The following ZNF469 variants were observed in gnomAD, a reference collection of about 807,000 sequenced individuals.
The protein encoded by ZNF469 is zinc finger protein 469.
A neutral mutation model predicts 1.0 loss-of-function variants in ZNF469; 1 was observed. That is an observed-to-expected ratio of 1.00 (90% confidence interval 0.35 to 4.73). The LOEUF is 4.73. Ranked by LOEUF, ZNF469 falls within the 30% of genes most tolerant of loss-of-function variation. The probability of loss-of-function intolerance (pLI) is 0.16; values close to 1 mark genes in which losing one functional copy is unlikely to be tolerated. For missense variants in ZNF469, 6,100 were observed against 5,356.3 expected, an observed-to-expected ratio of 1.14 and a Z score of -4.33; for synonymous variants, 2,703 against 2,363.4, an observed-to-expected ratio of 1.14 and a Z score of -4.17.
At chr16:88,235,204 G>T in the ZNF469 span, among the ~76,000 whole-genome samples, 1 of 152,200 alleles carries the variant, frequency 6.6e-6, no homozygotes, top group Non-Finnish European at 1.5e-5. Flanking sequence ...GACTGGCAGT[G>T]TCGAAGCCAC....
the ZNF469 span, among the ~76,000 whole-genome samples, chr16:88,183,442 A>G: frequency 6.6e-6 from 1 of 152,190 alleles, no homozygotes; most frequent in African/African-American, 2.4e-5. Flanking sequence ...CCCACAACCT[A>G]CAGCTCAGCA....
chr16:88,353,218 A>G, the ZNF469 span, among the ~76,000 whole-genome samples: 43 of 152,274 alleles, frequency 2.8e-4, 1 homozygote, highest in East Asian at 8.3e-3. Context: ...TCCCAGGTCC[A>G]GCCCTCTCAC....
chr16:88,423,228 TG>T (rs1905562054), intron 1 of ZNF469, among the ~76,000 whole-genome samples: 1 of 146,694 alleles, frequency 6.8e-6, no homozygotes, highest in African/African-American at 2.5e-5. Context: ...GATGGATAGG[TG>T]GGTGGATGGA....
At chr16:88,225,023 A>G in the ZNF469 span, among the ~76,000 whole-genome samples, 1 of 152,180 alleles carries the variant, frequency 6.6e-6, no homozygotes, top group Non-Finnish European at 1.5e-5. Flanking sequence ...GCAGGATGTG[A>G]GCGTGGGCTG....
At chr16:88,321,705 T>C in the ZNF469 span, among the ~76,000 whole-genome samples, 2 of 151,978 alleles carry the variant, frequency 1.3e-5, no homozygotes, top group Non-Finnish European at 2.9e-5. Flanking sequence ...AGATTCTGCA[T>C]GTAAGACCTC....
At chr16:88,112,586 G>T in the ZNF469 span, among the ~76,000 whole-genome samples, 1 of 152,138 alleles carries the variant, frequency 6.6e-6, no homozygotes. Flanking sequence ...TGTCTCCTTT[G>T]AGAAACGTCT....
the ZNF469 span, among the ~76,000 whole-genome samples, chr16:88,375,050 A>AGGGCCCTGGAAGGAC: frequency 6.6e-6 from 1 of 152,258 alleles, no homozygotes; most frequent in African/African-American, 2.4e-5. Flanking sequence ...CAGCTGGGGC[A>AGGGCCCTGGAAGGAC]GGGCCCTGGA....
chr16:88,283,738 G>A, the ZNF469 span, among the ~76,000 whole-genome samples: 1 of 152,256 alleles, frequency 6.6e-6, no homozygotes, highest in Non-Finnish European at 1.5e-5. Flanking sequence ...GCTCAGCTGT[G>A]AACGCGGAGG....
chr16:88,130,706 C>CAAA, the ZNF469 span, among the ~76,000 whole-genome samples: 3 of 103,430 alleles, frequency 2.9e-5, no homozygotes, highest in Admixed American at 9.9e-5. Context: ...AACTCTGTGT[C>CAAA]AAAAAAAAAA....
the ZNF469 span, among the ~76,000 whole-genome samples, chr16:88,204,329 G>A: frequency 6.6e-6 from 1 of 152,232 alleles, no homozygotes; most frequent in South Asian, 2.1e-4. Flanking sequence ...AAGCCACATA[G>A]AGCTGCTAGG....
the ZNF469 span, among the ~76,000 whole-genome samples, chr16:88,323,105 A>G: frequency 1.3e-5 from 2 of 152,156 alleles, no homozygotes; most frequent in Non-Finnish European, 2.9e-5. Context: ...GGGGGCAGTG[A>G]TCCCACATCA....
the ZNF469 span, among the ~76,000 whole-genome samples, chr16:88,318,373 C>T: frequency 6.6e-6 from 1 of 151,868 alleles, no homozygotes; most frequent in African/African-American, 2.4e-5. Context: ...TTCCTCCTCT[C>T]CATGCTCTGT....
At chr16:88,131,222 T>A in the ZNF469 span, among the ~76,000 whole-genome samples, 2 of 152,184 alleles carry the variant, frequency 1.3e-5, no homozygotes, top group African/African-American at 4.8e-5. Flanking sequence ...TCACACCCCG[T>A]TGAATAAATT....
At chr16:88,225,516 C>T in the ZNF469 span, among the ~76,000 whole-genome samples, 1 of 152,076 alleles carries the variant, frequency 6.6e-6, no homozygotes, top group Non-Finnish European at 1.5e-5. Flanking sequence ...GAGGGCTTTG[C>T]CTTTTTCGGG....
At chr16:88,339,072 G>A in the ZNF469 span, among the ~76,000 whole-genome samples, 12 of 150,708 alleles carry the variant, frequency 8.0e-5, no homozygotes, top group Admixed American at 4.0e-4. Context: ...TGGAGGGGGC[G>A]TGCCTGCCTG....
At chr16:88,386,158 C>T (rs1025956031) in intron 1 of ZNF469, among the ~76,000 whole-genome samples, 9 of 152,176 alleles carry the variant, frequency 5.9e-5, no homozygotes, top group African/African-American at 2.2e-4. Flanking sequence ...CCTGGCCAGC[C>T]AGCCCACCCT....
the ZNF469 span, among the ~76,000 whole-genome samples, chr16:88,303,575 C>T: frequency 6.6e-6 from 1 of 152,208 alleles, no homozygotes; most frequent in Non-Finnish European, 1.5e-5. Context: ...AATCTCAGAA[C>T]CGCAGAGTTG....
At chr16:88,335,584 C>T in the ZNF469 span, among the ~76,000 whole-genome samples, 1 of 152,262 alleles carries the variant, frequency 6.6e-6, no homozygotes, top group African/African-American at 2.4e-5. Flanking sequence ...CAGGGCCTCA[C>T]TTTGGCCACA....
the ZNF469 span, among the ~76,000 whole-genome samples, chr16:88,213,617 C>T: frequency 6.6e-6 from 1 of 152,316 alleles, no homozygotes; most frequent in African/African-American, 2.4e-5. Flanking sequence ...CCTCATCCTA[C>T]TCATCACGAT....
Sources: allele counts gnomAD v4.1 joint callset (sites outside exome capture counted in the v4.1 genomes callset), GRCh38; gene constraint gnomAD v4.1.1; transcripts MANE v1.5; gene names NCBI Gene and HGNC (gene_info 2026-07-23, HGNC 2026-07-21).